Variants in TOM1 observed in about 807,000 individuals in gnomAD.
TOM1 encodes the protein target of myb1 membrane trafficking protein.
In TOM1, 38 loss-of-function variants were observed where a neutral mutation model predicts 61.3. The ratio of observed to expected loss-of-function variants is 0.62; its 90% CI spans 0.48 to 0.81. The LOEUF (loss-of-function observed/expected upper bound fraction) is 0.81. Ranked by LOEUF, TOM1 falls within the 40% of genes least tolerant of loss-of-function variation. The pLI is 0.00. For missense variants in TOM1, 591 were observed against 659.6 expected (o/e 0.90, Z 1.14); for synonymous variants, 270 against 268.8 (o/e 1.00, Z -0.04).
intron 6 of TOM1, among the ~76,000 whole-genome samples, chr22:35,325,010 T>C (rs1928188937): frequency 1.3e-5 from 2 of 152,222 alleles, no homozygotes; most frequent in African/African-American, 4.8e-5. Flanking sequence ...TGGAGTGCCA[T>C]GGCTGCTGTA....
intron 1 of TOM1, among the ~76,000 whole-genome samples, chr22:35,317,149 A>G (rs1927365102): frequency 6.6e-6 from 1 of 152,328 alleles, no homozygotes; most frequent in African/African-American, 2.4e-5. Flanking sequence ...TACATTTTGT[A>G]TCCTGTGAAT....
At chr22:35,312,623 A>C (rs1302439161) in intron 1 of TOM1, among the ~76,000 whole-genome samples, 1 of 152,170 alleles carries the variant, frequency 6.6e-6, no homozygotes, top group Admixed American at 6.5e-5. Flanking sequence ...TCTGTCTTAA[A>C]GGTTGTGGTG....
intron 7 of TOM1, 75 bp from the exon 8 acceptor site, chr22:35,330,272 G>C: frequency 4.1e-6 from 6 of 1,476,342 alleles, no homozygotes; most frequent in Non-Finnish European, 5.5e-6. Flanking sequence ...ACAGAGCTCC[G>C]TCTCACAAAA....
intron 12 of TOM1, 107 bp downstream of exon 12, chr22:35,338,895 C>A: frequency 9.7e-7 from 1 of 1,028,408 alleles, no homozygotes; most frequent in Non-Finnish European, 1.4e-6. Flanking sequence ...AGCACGTCCA[C>A]AGGCCCTTCC....
intron 1 of TOM1, among the ~76,000 whole-genome samples, chr22:35,307,474 G>A (rs1230970742): frequency 6.6e-6 from 1 of 152,198 alleles, no homozygotes; most frequent in African/African-American, 2.4e-5. Flanking sequence ...AGCCTGAAAT[G>A]GGGTCACAGC....
intron 1 of TOM1, among the ~76,000 whole-genome samples, chr22:35,304,952 T>G (rs1018141413): frequency 6.6e-6 from 1 of 151,878 alleles, no homozygotes; most frequent in Admixed American, 6.6e-5. Context: ...GTTGGGGTGG[T>G]GGGAGCTGGG....
intron 8 of TOM1, among the ~76,000 whole-genome samples, chr22:35,331,093 C>CTTTTT (rs773623729): frequency 7.9e-6 from 1 of 127,158 alleles, no homozygotes; most frequent in Non-Finnish European, 1.6e-5. Flanking sequence ...ACCTGTCCAC[C>CTTTTT]TTTTTTTTTT....
chr22:35,300,088 G>A lies in TOM1; in HGVS notation c.52+108G>A, dbSNP rs567519412. 247 of 1,254,370 alleles carry A rather than the reference G, an allele frequency of 2.0e-4. 3 individuals are homozygous for A. The East Asian group carries it at 5.7e-3, about 29-fold the overall frequency. 77.7% of individuals were successfully genotyped at this position (1,254,370 alleles called of 1,614,324 possible). A position where few individuals can be genotyped will look rare whatever the true frequency, so the allele number is the denominator to read the frequency against. Reference sequence around the variant, plus strand: ...TCACGGAGGCAGGGAGGGCAAGGAGGCTGGCGTGTAGCTCTCCGACCTGGC... The same window carrying A: ...TCACGGAGGCAGGGAGGGCAAGGAGACTGGCGTGTAGCTCTCCGACCTGGC... On this transcript the variant is annotated intron_variant, in intron 1 of 14. Coordinates refer to ENST00000449058, the MANE Select transcript of TOM1 (RefSeq NM_005488.3).
At chr22:35,319,171 C>G (rs1260594770) in intron 2 of TOM1, among the ~76,000 whole-genome samples, 1 of 152,218 alleles carries the variant, frequency 6.6e-6, no homozygotes, top group Non-Finnish European at 1.5e-5. Context: ...AGCCTCTAGA[C>G]AGGCCTGGGA....
chr22:35,334,555 C>T (rs1008200465), intron 11 of TOM1, 107 bp downstream of exon 11: 30 of 1,391,146 alleles, frequency 2.2e-5, no homozygotes, highest in Non-Finnish European at 2.8e-5. Context: ...ACGGACCCTG[C>T]TTAGTAAGCA....
At chr22:35,308,275 CTTTTTTTTTT>C (rs138770) in intron 1 of TOM1, among the ~76,000 whole-genome samples, 1 of 129,442 alleles carries the variant, frequency 7.7e-6, no homozygotes, top group Non-Finnish European at 1.7e-5. Flanking sequence ...TTCCTTTTCT[CTTTTTTTTTT>C]TTTTTCTTTT....
chr22:35,329,307 G>A (rs1385020944), intron 7 of TOM1, among the ~76,000 whole-genome samples: 7 of 152,116 alleles, frequency 4.6e-5, no homozygotes, highest in Admixed American at 2.6e-4. Flanking sequence ...GTTAAAAGTC[G>A]GTGACGTGAT....
At chr22:35,346,851 G>T in intron 13 of TOM1, 79 bp from the exon 14 acceptor site, 1 of 1,384,582 alleles carries the variant, frequency 7.2e-7, no homozygotes, top group South Asian at 1.2e-5. Flanking sequence ...AGCGGGGCCC[G>T]AGCTGCAGCA....
intron 1 of TOM1, among the ~76,000 whole-genome samples, chr22:35,303,221 C>T (rs998608799): frequency 6.6e-6 from 1 of 152,020 alleles, no homozygotes; most frequent in Non-Finnish European, 1.5e-5. Flanking sequence ...TCCAGATCAC[C>T]CTTCAAAGTA....
chr22:35,311,537 C>T (rs540784559), intron 1 of TOM1, among the ~76,000 whole-genome samples: 46 of 152,320 alleles, frequency 3.0e-4, no homozygotes, highest in Admixed American at 5.9e-4. Flanking sequence ...CAGTCAGCAT[C>T]GAACTGAGCA....
chr22:35,322,894 G>A (rs1388034968), intron 3 of TOM1, 134 bp from the exon 4 acceptor site: 2 of 1,044,946 alleles, frequency 1.9e-6, no homozygotes, highest in East Asian at 2.6e-5. Context: ...CACATTCAAG[G>A]GTCTCACTCC....
intron 10 of TOM1, 135 bp from the exon 11 acceptor site, chr22:35,334,193 C>T: frequency 8.0e-7 from 1 of 1,247,368 alleles, no homozygotes; most frequent in Non-Finnish European, 1.1e-6. Flanking sequence ...AGCAGGTGGC[C>T]TGCCTCGCGC....
At chr22:35,326,150 T>C (rs1338762034) in intron 6 of TOM1, among the ~76,000 whole-genome samples, 2 of 152,214 alleles carry the variant, frequency 1.3e-5, no homozygotes, top group Non-Finnish European at 1.5e-5. Flanking sequence ...TATTAGGTAG[T>C]CTATAAATGG....
chr22:35,328,768 C>T (rs2145678107), intron 7 of TOM1, among the ~76,000 whole-genome samples: 1 of 152,346 alleles, frequency 6.6e-6, no homozygotes, highest in South Asian at 2.1e-4. Context: ...CTGGGCAGTG[C>T]CGAGCCTCAG....
Sources: allele counts gnomAD v4.1 joint callset (sites outside exome capture counted in the v4.1 genomes callset), GRCh38; gene constraint gnomAD v4.1.1; transcripts MANE v1.5; gene names NCBI Gene and HGNC (gene_info 2026-07-23, HGNC 2026-07-21).